FHIT: variants seen among roughly 807,000 people sequenced by gnomAD.
FHIT encodes bis(5'-adenosyl)-triphosphatase.
Under a neutral mutation model 17.9 loss-of-function variants are expected in FHIT, and 19 were observed. The ratio of observed to expected loss-of-function variants is 1.06; its 90% confidence interval spans 0.74 to 1.56. The LOEUF is 1.56. FHIT is among the 40% of genes most tolerant of loss of function. The pLI is 0.00. For missense variants in FHIT, 248 were observed against 189.2 expected (o/e 1.31, Z -1.82); for synonymous variants, 81 against 69.7 (o/e 1.16, Z -0.81).
chr3:60,582,091 A>C (rs1460574133), intron 4 of FHIT, among the ~76,000 whole-genome samples: 1 of 152,080 alleles, frequency 6.6e-6, no homozygotes, highest in Non-Finnish European at 1.5e-5. Context: ...TGGAGGCTGC[A>C]CTTTGGAATC....
chr3:59,750,351 C>T, intron 9 of FHIT: 1 of 225,090 alleles, frequency 4.4e-6, no homozygotes, highest in Non-Finnish European at 8.9e-6. Flanking sequence ...AAAATTCAAC[C>T]TAGGCAGTCA....
intron 4 of FHIT, among the ~76,000 whole-genome samples, chr3:60,602,556 T>A (rs183681844): frequency 4.0e-5 from 6 of 151,796 alleles, no homozygotes; most frequent in South Asian, 2.1e-4. Context: ...AGCTAAGAGA[T>A]AAATAAAAAG....
chr3:60,717,339 T>G (rs2041707385), intron 4 of FHIT, among the ~76,000 whole-genome samples: 2 of 152,194 alleles, frequency 1.3e-5, no homozygotes, highest in Admixed American at 6.5e-5. Context: ...CCACAAAAAT[T>G]TATGAGATGA....
chr3:60,285,044 T>G (rs1392655081), intron 5 of FHIT, among the ~76,000 whole-genome samples: 2 of 152,166 alleles, frequency 1.3e-5, no homozygotes, highest in East Asian at 3.9e-4. Flanking sequence ...CAGTCTTGTA[T>G]AAAACCTAGT....
At chr3:60,019,152 C>G (rs910427725) in intron 5 of FHIT, among the ~76,000 whole-genome samples, 1 of 152,206 alleles carries the variant, frequency 6.6e-6, no homozygotes. Flanking sequence ...TCTACATGCT[C>G]TTCCATCCCA....
chr3:60,044,531 T>C (rs1166174096), intron 5 of FHIT, among the ~76,000 whole-genome samples: 1 of 151,974 alleles, frequency 6.6e-6, no homozygotes, highest in Non-Finnish European at 1.5e-5. Flanking sequence ...ACAGGGTAAG[T>C]GATGACGGTA....
chr3:59,933,034 C>G (rs1016734446), intron 7 of FHIT, among the ~76,000 whole-genome samples: 3 of 152,066 alleles, frequency 2.0e-5, no homozygotes, highest in African/African-American at 7.2e-5. Flanking sequence ...CAATGGCTGT[C>G]TCAAAAAGAA....
At chr3:60,470,226 T>C (rs2033020804) in intron 5 of FHIT, among the ~76,000 whole-genome samples, 1 of 152,088 alleles carries the variant, frequency 6.6e-6, no homozygotes, top group Non-Finnish European at 1.5e-5. Context: ...ACCACCTATG[T>C]TAACTCAAGT....
At chr3:60,027,084 G>A (rs1243006070) in intron 5 of FHIT, among the ~76,000 whole-genome samples, 1 of 147,252 alleles carries the variant, frequency 6.8e-6, no homozygotes, top group Non-Finnish European at 1.5e-5. Flanking sequence ...GGGTGACAGA[G>A]TGAGTAAGAC....
At chr3:60,801,077 A>G (rs1407280316) in intron 4 of FHIT, among the ~76,000 whole-genome samples, 1 of 152,190 alleles carries the variant, frequency 6.6e-6, no homozygotes, top group Non-Finnish European at 1.5e-5. Flanking sequence ...TAACAACTAC[A>G]GGCACCTAGG....
chr3:60,955,625 TATATATATAC>T (rs1181721850), intron 3 of FHIT, among the ~76,000 whole-genome samples: 4 of 49,540 alleles, frequency 8.1e-5, no homozygotes, highest in African/African-American at 2.9e-4. Flanking sequence ...TATATATATA[TATATATATAC>T]ACACACACAC....
At chr3:60,909,380 A>G (rs1396055584) in intron 3 of FHIT, among the ~76,000 whole-genome samples, 1 of 151,764 alleles carries the variant, frequency 6.6e-6, no homozygotes, top group African/African-American at 2.4e-5. Context: ...AAAAAAAAAA[A>G]AAAAAATGAG....
At chr3:60,475,708 C>T (rs11917913) in intron 5 of FHIT, among the ~76,000 whole-genome samples, 10,918 of 152,208 alleles carry the variant, frequency 0.072, 515 homozygotes, top group African/African-American at 0.13. Flanking sequence ...GGTTAAGCAC[C>T]CCTACACCAA....
intron 5 of FHIT, among the ~76,000 whole-genome samples, chr3:60,413,835 C>T (rs1358150588): frequency 6.6e-6 from 1 of 152,214 alleles, no homozygotes; most frequent in Non-Finnish European, 1.5e-5. Context: ...AGACCATTCA[C>T]TCATCCATTT....
At chr3:59,834,385 A>G (rs1194510552) in intron 8 of FHIT, among the ~76,000 whole-genome samples, 1 of 152,202 alleles carries the variant, frequency 6.6e-6, no homozygotes, top group Admixed American at 6.5e-5. Flanking sequence ...AGACAGACAG[A>G]TAGGTAACTT....
At chr3:60,012,263 G>GTTTTTTT (rs1416490274) in intron 6 of FHIT, among the ~76,000 whole-genome samples, 1 of 118,962 alleles carries the variant, frequency 8.4e-6, no homozygotes, top group African/African-American at 3.7e-5. Context: ...TGTTTTTTTT[G>GTTTTTTT]TTGTTTTTTT....
chr3:59,931,269 C>T (rs891815321), intron 7 of FHIT, among the ~76,000 whole-genome samples: 2 of 152,168 alleles, frequency 1.3e-5, no homozygotes, highest in African/African-American at 4.8e-5. Context: ...TTCATCCAGA[C>T]CATCACCAAC....
chr3:60,437,178 T>A (rs1025800358), intron 5 of FHIT, among the ~76,000 whole-genome samples: 1 of 152,106 alleles, frequency 6.6e-6, no homozygotes, highest in Non-Finnish European at 1.5e-5. Context: ...CCATCACTGA[T>A]GTTCTTGATC....
At chr3:61,112,060 T>G (rs1559991228) in intron 2 of FHIT, among the ~76,000 whole-genome samples, 1 of 152,134 alleles carries the variant, frequency 6.6e-6, no homozygotes. Context: ...CTCAGAGCAG[T>G]TAAGTAACTT....
Sources: allele counts gnomAD v4.1 joint callset (sites outside exome capture counted in the v4.1 genomes callset), GRCh38; gene constraint gnomAD v4.1.1; transcripts MANE v1.5; gene names NCBI Gene and HGNC (gene_info 2026-07-23, HGNC 2026-07-21).